PIK3R6: variants seen among roughly 807,000 people sequenced by gnomAD.
PIK3R6 encodes the protein phosphoinositide 3-kinase regulatory subunit 6.
PIK3R6 carries 91 observed loss-of-function variants against 84.9 expected under a neutral mutation model. That is an observed-to-expected ratio of 1.07 (90% CI 0.90 to 1.28). PIK3R6 has a LOEUF of 1.28. Ranked by LOEUF, PIK3R6 falls within the 50% of genes most tolerant of loss-of-function variation. The pLI is 0.00. For missense variants in PIK3R6, 996 were observed against 985.1 expected, an observed-to-expected ratio of 1.01 and a Z score of -0.15; for synonymous variants, 416 against 411.4, an observed-to-expected ratio of 1.01 and a Z score of -0.13.
chr17:8,805,566 A>G (rs147032208), intron 18 of PIK3R6, among the ~76,000 whole-genome samples: 55 of 152,342 alleles, frequency 3.6e-4, no homozygotes, highest in African/African-American at 1.3e-3. Context: ...GGGCAACTCC[A>G]TGACAGAGGG....
At chr17:8,822,044 G>T in intron 16 of PIK3R6, 108 bp from the exon 17 acceptor site, 14 of 712,476 alleles carry the variant, frequency 2.0e-5, no homozygotes, top group Non-Finnish European at 2.8e-5. Context: ...CACCCCTGCT[G>T]TGAGAGTCTT....
Position 8,829,635 on chromosome 17 carries a change from C to T in PIK3R6, c.889+71G>A. 6 of 1,429,996 alleles carry T rather than the reference C, an allele frequency of 4.2e-6. No homozygotes were observed. The Middle Eastern group carries it at 8.7e-4, about 208-fold the overall frequency. The allele number at this position is 1,429,996 out of a possible 1,614,324, so 88.6% of individuals were successfully genotyped here. A position where few individuals can be genotyped will look rare whatever the true frequency, so the allele number is the denominator to read the frequency against. On this transcript the variant is annotated intron_variant, in intron 10 of 19. Coordinates refer to ENST00000619866, the MANE Select transcript of PIK3R6 (RefSeq NM_001010855.4). ...TGACACACGCATGCACACTGACACA[C>T]ACTCATGCACGCATACACACACAGA...
chr17:8,846,964 A>G (rs553326933), intron 2 of PIK3R6, among the ~76,000 whole-genome samples: 7 of 152,154 alleles, frequency 4.6e-5, no homozygotes, highest in Admixed American at 2.0e-4. Flanking sequence ...AATAAGTCTC[A>G]TTGCCTGCTT....
Position 8,810,366 on chromosome 17 carries a change from A to G in PIK3R6, c.1996-6213T>C, listed in dbSNP as rs1306213022. Among the ~76,000 whole-genome samples the G allele has an allele frequency of 1.4e-5, 2 of 147,938 alleles. 1 individual carries two copies. Among genetic ancestry groups the G allele is most frequent in the African/African-American group, 5.1e-5 (2 of 39,598 alleles). On this transcript the variant is annotated intron_variant, in intron 18 of 19. Coordinates refer to ENST00000619866, the MANE Select transcript of PIK3R6 (RefSeq NM_001010855.4). ...TGGGAATGCAAGATCAGATTTGGGT[A>G]GGGACACAGCCAAACCACATCATTC...
chr17:8,857,469 T>C (rs2089169626), intron 1 of PIK3R6, among the ~76,000 whole-genome samples: 1 of 152,082 alleles, frequency 6.6e-6, no homozygotes, highest in African/African-American at 2.4e-5. Flanking sequence ...CCCCCCTCTG[T>C]CTTTGTGAAA....
At chr17:8,817,010 T>G (rs2087563344) in intron 18 of PIK3R6, among the ~76,000 whole-genome samples, 1 of 152,244 alleles carries the variant, frequency 6.6e-6, no homozygotes, top group African/African-American at 2.4e-5. Context: ...AAATGTCGTC[T>G]TAGAATTTAT....
At chr17:8,866,280 G>A (rs576520162) in intron 1 of PIK3R6, among the ~76,000 whole-genome samples, 4 of 152,198 alleles carry the variant, frequency 2.6e-5, no homozygotes, top group Admixed American at 1.3e-4. Context: ...GCTCATGCCT[G>A]TAATCCCAGC....
Position 8,828,562 on chromosome 17 carries a change from C to A in PIK3R6, c.1313+5G>T. On this transcript the variant is annotated splice_donor_5th_base_variant and intron_variant, in intron 11 of 19. Transcript: ENST00000619866. The stretch of plus-strand genomic sequence containing the variant: ...CCACCCCCAGCCCCCACGTCGGGGC[C>A]CCACCTGAGTCTGTGGTAGGCCTGG... 6.2e-7 allele frequency: 1 copy of A among 1,611,660 alleles called. No homozygotes were observed. The highest frequency in any genetic ancestry group is 8.5e-7 in the Non-Finnish European group (1 of 1,179,434).
intron 2 of PIK3R6, among the ~76,000 whole-genome samples, chr17:8,847,664 A>G (rs988109555): frequency 1.3e-5 from 2 of 152,138 alleles, no homozygotes; most frequent in East Asian, 1.9e-4. Context: ...ATAGCCGGAC[A>G]TGGTGGTGCA....
chr17:8,829,621 TGCACACTG>T, intron 10 of PIK3R6, 77 bp downstream of exon 10: 1 of 1,317,348 alleles, frequency 7.6e-7, no homozygotes, highest in South Asian at 1.3e-5. Flanking sequence ...GACACACGCA[TGCACACTG>T]ACACACACTC....
chr17:8,817,904 AGTT>A (rs889918535), intron 18 of PIK3R6, among the ~76,000 whole-genome samples: 1 of 149,466 alleles, frequency 6.7e-6, no homozygotes. Context: ...GTCATGGCAG[AGTT>A]GTTTTTTTTT....
chr17:8,818,262 C>T (rs1353787495), intron 18 of PIK3R6, among the ~76,000 whole-genome samples: 3 of 152,098 alleles, frequency 2.0e-5, no homozygotes, highest in Non-Finnish European at 4.4e-5. Flanking sequence ...ATGGTTCAGG[C>T]GCAATCATGG....
rs762918541 is a variant in PIK3R6 at position 8,867,616 on chromosome 17, G to C, written c.-179C>G. The C allele has an allele frequency of 2.0e-6, 1 of 511,610 alleles. No individual in the cohort carries two copies. The highest frequency in any genetic ancestry group is 1.9e-5 in the Admixed American group (1 of 51,314). The allele number at this position is 511,610 out of a possible 1,614,324, so 31.7% of individuals were successfully genotyped here. ...CGAGGTCCCCAGTCCCAGAGAAGCA[G>C]ATGTCTTGGGGGAGCCTCCACGGGT... On this transcript the variant is annotated 5_prime_UTR_variant, in exon 1 of 20. The change creates a new upstream start codon in the 5' untranslated region. Transcript: ENST00000619866.
intron 2 of PIK3R6, among the ~76,000 whole-genome samples, chr17:8,846,136 T>C (rs1003509429): frequency 6.6e-6 from 1 of 152,198 alleles, no homozygotes; most frequent in Non-Finnish European, 1.5e-5. Context: ...TTAATTTTTG[T>C]ATATGGGGAA....
In PIK3R6 at chr17:8,828,966, C is replaced by G; in HGVS notation, c.914G>C (p.Arg305Pro). Residue 305 changes from arginine to proline, a missense_variant, in exon 11 of 20, where the codon CGC (arginine) becomes CCC (proline). By Grantham distance (103) the Arg-to-Pro change is moderately radical (BLOSUM62 -2). Coordinates refer to ENST00000619866, the MANE Select transcript of PIK3R6 (RefSeq NM_001010855.4). ...QLWKELVLFL[R>P]PRSQLRLSAD... ...ACTGAGGCGCAGCTGGGATCTTGGGCGGAGGAAGAGCACCAGTTCCTTCCC... is the reference window on the plus strand; with the variant it reads ...ACTGAGGCGCAGCTGGGATCTTGGGGGGAGGAAGAGCACCAGTTCCTTCCC... 1 of 1,498,812 alleles carries G rather than the reference C, an allele frequency of 6.7e-7. No individual in the cohort carries two copies. The highest frequency in any genetic ancestry group is 1.4e-5 in the South Asian group (1 of 73,630). 92.8% of individuals were successfully genotyped at this position (1,498,812 alleles called of 1,614,324 possible).
chr17:8,806,782 A>C (rs1257519694), intron 18 of PIK3R6, among the ~76,000 whole-genome samples: 1 of 146,658 alleles, frequency 6.8e-6, no homozygotes, highest in Admixed American at 6.8e-5. Flanking sequence ...TCTGACCCTT[A>C]AACTTACTGA....
intron 2 of PIK3R6, 116 bp downstream of exon 2, chr17:8,849,666 G>T: frequency 8.2e-7 from 1 of 1,217,134 alleles, no homozygotes; most frequent in Non-Finnish European, 1.1e-6. Context: ...TTGGGGTCTT[G>T]CAGCCTGTCT....
intron 1 of PIK3R6, among the ~76,000 whole-genome samples, chr17:8,858,981 C>T (rs1234757749): frequency 6.6e-6 from 1 of 152,160 alleles, no homozygotes; most frequent in African/African-American, 2.4e-5. Context: ...CCTGCCTGGG[C>T]TGTGTCTGCT....
chr17:8,836,841 G>A lies in PIK3R6; in HGVS notation c.341C>T (p.Thr114Ile). The A allele has an allele frequency of 6.3e-7, 1 of 1,593,670 alleles. No homozygotes were observed. Among genetic ancestry groups the A allele is most frequent in the Non-Finnish European group, 8.5e-7 (1 of 1,169,850 alleles). The change falls in exon 6 of 20, where the codon ACA becomes ATA. Residue 114 changes from threonine to isoleucine, a missense_variant. Transcript: ENST00000619866. ...RLLTLPTPYC[T>I]VALDCAIRLK... ...CCTTATCGCGCAGTCCAAGGCGACT[G>A]TGCAGTAGGGGGTGGGCAGGGTCAG...
Sources: allele counts gnomAD v4.1 joint callset (sites outside exome capture counted in the v4.1 genomes callset), GRCh38; gene constraint gnomAD v4.1.1; transcripts MANE v1.5; gene names NCBI Gene and HGNC (gene_info 2026-07-23, HGNC 2026-07-21).